The following COL5A2 variants were observed in gnomAD, a reference collection of about 807,000 sequenced individuals.
The protein encoded by COL5A2 is collagen type V alpha 2 chain, also known as collagen alpha-2(V) chain.
A neutral mutation model predicts 208.2 loss-of-function variants in COL5A2; 23 were observed. That is an observed-to-expected ratio of 0.11 (90% CI 0.08 to 0.16). The LOEUF (loss-of-function observed/expected upper bound fraction) is 0.16. Among genes scored for constraint, COL5A2 ranks in the 10% least tolerant of loss-of-function variants. The probability of loss-of-function intolerance (pLI) is 1.00; values close to 1 mark genes in which losing one functional copy is unlikely to be tolerated. For missense variants in COL5A2, 1,590 were observed against 1,956.4 expected, an observed-to-expected ratio of 0.81 and a Z score of 3.53; for synonymous variants, 625 against 628.5, an observed-to-expected ratio of 0.99 and a Z score of 0.08.
the COL5A2 span, among the ~76,000 whole-genome samples, chr2:189,361,444 T>A: frequency 1.3e-4 from 20 of 152,142 alleles, no homozygotes; most frequent in African/African-American, 4.3e-4. Context: ...TCTTTCTTGG[T>A]TTCCATTTGC....
the COL5A2 span, among the ~76,000 whole-genome samples, chr2:189,420,024 A>G: frequency 0.11 from 15,008 of 136,074 alleles, 1,088 homozygotes; most frequent in Non-Finnish European, 0.16. Flanking sequence ...AGATGAGAGG[A>G]GGAAAAGAAA....
At chr2:189,224,022 T>C (rs890145892) in intron 1 of COL5A2, among the ~76,000 whole-genome samples, 6 of 151,936 alleles carry the variant, frequency 3.9e-5, no homozygotes, top group African/African-American at 1.2e-4. Context: ...ACGTAAAATA[T>C]ATTAAATATG....
chr2:189,301,924 AT>A, the COL5A2 span, among the ~76,000 whole-genome samples: 23 of 151,972 alleles, frequency 1.5e-4, no homozygotes, highest in Admixed American at 1.5e-3. Flanking sequence ...ACAAATACAA[AT>A]TTTTTTTCAG....
the COL5A2 span, among the ~76,000 whole-genome samples, chr2:189,270,459 G>A: frequency 4.6e-5 from 7 of 152,088 alleles, no homozygotes; most frequent in South Asian, 8.3e-4. Flanking sequence ...GAACGTATTC[G>A]TTTCTGCCTT....
At chr2:189,259,587 G>A in the COL5A2 span, among the ~76,000 whole-genome samples, 1 of 152,164 alleles carries the variant, frequency 6.6e-6, no homozygotes, top group African/African-American at 2.4e-5. Context: ...AAAAGAGTAA[G>A]GAGAGACCCA....
the COL5A2 span, among the ~76,000 whole-genome samples, chr2:189,304,469 G>A: frequency 2.0e-5 from 3 of 152,156 alleles, no homozygotes; most frequent in Admixed American, 6.6e-5. Context: ...CATATTGCCC[G>A]CATTTGCTCC....
the COL5A2 span, among the ~76,000 whole-genome samples, chr2:189,287,614 G>C: frequency 1.3e-5 from 2 of 152,060 alleles, no homozygotes; most frequent in African/African-American, 4.8e-5. Context: ...TATATGATGA[G>C]GTACTAAAAT....
Position 189,145,556 on chromosome 2 carries a change from A to G in COL5A2, c.97+33952T>C, listed in dbSNP as rs116694437. 3.7e-3 allele frequency among the ~76,000 whole-genome samples: 563 copies of G among 152,106 alleles called. 2 individuals are homozygous for G. The highest frequency in any genetic ancestry group is 0.013 in the African/African-American group (525 of 41,528). On this transcript the variant is annotated intron_variant, in intron 1 of 53. Transcript: ENST00000374866. The stretch of plus-strand genomic sequence containing the variant: ...TATGAACACAAAAACCTGACCTGCA[A>G]TTTTCTTGCTATATAATCAGTGTCT...
Position 189,189,164 on chromosome 2 carries a change from C to A in COL5A2, c.-42+35984G>T, listed in dbSNP as rs934411844. 3.9e-5 allele frequency among the ~76,000 whole-genome samples: 6 copies of A among 152,094 alleles called. 1 individual carries two copies. Among genetic ancestry groups the A allele is most frequent in the Admixed American group, 3.9e-4 (6 of 15,276 alleles). On this transcript the variant is annotated intron_variant, in intron 1 of 10. Transcript: ENST00000649966. Reference sequence around the variant, plus strand: ...AATAATTGCACTAGCCCTCAACATGCCAGAAGAATTCAATACCAAATTATT... The same window carrying A: ...AATAATTGCACTAGCCCTCAACATGACAGAAGAATTCAATACCAAATTATT...
chr2:189,224,233 AT>A (rs1056431281), intron 1 of COL5A2, among the ~76,000 whole-genome samples: 1 of 152,174 alleles, frequency 6.6e-6, no homozygotes, highest in African/African-American at 2.4e-5. Flanking sequence ...AACCAAAAAA[AT>A]AAATGACACT....
At chr2:189,390,511 T>C in the COL5A2 span, among the ~76,000 whole-genome samples, 1 of 152,118 alleles carries the variant, frequency 6.6e-6, no homozygotes, top group Non-Finnish European at 1.5e-5. Flanking sequence ...TCATATGAAA[T>C]ATGGTTGCTG....
At chr2:189,318,011 T>G in the COL5A2 span, among the ~76,000 whole-genome samples, 1 of 152,198 alleles carries the variant, frequency 6.6e-6, no homozygotes, top group Non-Finnish European at 1.5e-5. Flanking sequence ...TAGGAAAGTT[T>G]TTTGTTTGTT....
the COL5A2 span, chr2:189,311,957 G>A: frequency 1.4e-5 from 11 of 759,880 alleles, no homozygotes; most frequent in Non-Finnish European, 2.6e-5. Context: ...CTGCAGCCGA[G>A]TGACATTGGT....
the COL5A2 span, among the ~76,000 whole-genome samples, chr2:189,432,302 T>A: frequency 1.3e-5 from 2 of 152,190 alleles, no homozygotes; most frequent in South Asian, 2.1e-4. Context: ...GCTAACATCA[T>A]AATGACAGGA....
the COL5A2 span, among the ~76,000 whole-genome samples, chr2:189,378,462 C>T: frequency 2.6e-4 from 40 of 152,222 alleles, 1 homozygote; most frequent in East Asian, 6.4e-3. Flanking sequence ...CGGTGGCTCA[C>T]GCCTGTAATC....
At chr2:189,385,383 C>T in the COL5A2 span, among the ~76,000 whole-genome samples, 55 of 151,958 alleles carry the variant, frequency 3.6e-4, no homozygotes, top group South Asian at 5.4e-3. Context: ...ATAAAAGACA[C>T]GTACAAAAAA....
chr2:189,171,097 G>T (rs1200318507), intron 1 of COL5A2, among the ~76,000 whole-genome samples: 3 of 152,038 alleles, frequency 2.0e-5, no homozygotes, highest in African/African-American at 7.2e-5. Flanking sequence ...AATGAAAGGG[G>T]ATAGAGAGAG....
At chr2:189,356,354 G>A in the COL5A2 span, among the ~76,000 whole-genome samples, 6 of 151,020 alleles carry the variant, frequency 4.0e-5, no homozygotes, top group East Asian at 2.0e-4. Flanking sequence ...CATTCTCCCC[G>A]TCACTTTCAG....
Position 189,058,364 on chromosome 2 carries a change from A to G in COL5A2, c.2229+65T>C, listed in dbSNP as rs1257385521. 1.1e-5 allele frequency: 13 copies of G among 1,200,082 alleles called. No homozygotes were observed. In the East Asian group the frequency reaches 3.0e-4, roughly 28 times the overall value. 74.3% of individuals were successfully genotyped at this position (1,200,082 alleles called of 1,614,324 possible). On this transcript the variant is annotated intron_variant, in intron 33 of 53. Coordinates refer to ENST00000374866, the MANE Select transcript of COL5A2 (RefSeq NM_000393.5). ...AACAAGACAAATGCATTCTCACACC[A>G]TCATGCGTTTATTAAGCAGTAATTT...
Sources: allele counts gnomAD v4.1 joint callset (sites outside exome capture counted in the v4.1 genomes callset), GRCh38; gene constraint gnomAD v4.1.1; transcripts MANE v1.5; gene names NCBI Gene and HGNC (gene_info 2026-07-23, HGNC 2026-07-21).